The following ABCA13 variants were observed in gnomAD, a reference collection of about 807,000 sequenced individuals.
ABCA13 encodes the protein ATP-binding cassette sub-family A member 13.
Under a neutral mutation model 478.7 loss-of-function variants are expected in ABCA13, and 476 were observed. The ratio of observed to expected loss-of-function variants is 0.99; its 90% CI spans 0.92 to 1.07. The LOEUF is 1.07. ABCA13 is among the 50% of genes least tolerant of loss of function. The pLI is 0.00. For synonymous variants in ABCA13, 2,252 were observed against 2,158.9 expected (o/e 1.04, Z -1.20); for missense variants, 6,060 against 5,910.6 (o/e 1.03, Z -0.83).
intron 39 of ABCA13, among the ~76,000 whole-genome samples, chr7:48,408,008 T>C (rs62447262): frequency 0.19 from 29,589 of 152,106 alleles, 3,260 homozygotes; most frequent in East Asian, 0.23. Context: ...GACAAATGTA[T>C]GTATACATTG....
At chr7:48,224,858 T>C (rs1431923513) in intron 5 of ABCA13, among the ~76,000 whole-genome samples, 1 of 152,176 alleles carries the variant, frequency 6.6e-6, no homozygotes, top group Non-Finnish European at 1.5e-5. Context: ...GCTGCAGCAT[T>C]CTTTCCACCT....
intron 13 of ABCA13, among the ~76,000 whole-genome samples, chr7:48,247,359 C>A (rs1321465742): frequency 6.6e-6 from 1 of 152,036 alleles, no homozygotes; most frequent in East Asian, 1.9e-4. Flanking sequence ...TGGCAGAAAT[C>A]CTATCTCAAA....
intron 1 of ABCA13, among the ~76,000 whole-genome samples, chr7:48,190,268 G>T: frequency 6.6e-6 from 1 of 152,076 alleles, no homozygotes; most frequent in East Asian, 1.9e-4. Flanking sequence ...AGCCAAATAT[G>T]TAAAAAAAAC....
At chr7:48,345,772 A>G (rs1018835296) in intron 29 of ABCA13, among the ~76,000 whole-genome samples, 3 of 152,208 alleles carry the variant, frequency 2.0e-5, no homozygotes, top group African/African-American at 7.2e-5. Context: ...CAGTGTTTAT[A>G]AAGTGTATAA....
chr7:48,425,241 C>T (rs1821249391), intron 41 of ABCA13, among the ~76,000 whole-genome samples: 1 of 152,134 alleles, frequency 6.6e-6, no homozygotes, highest in Non-Finnish European at 1.5e-5. Flanking sequence ...ACACCCTCCT[C>T]CCCGCCACAT....
At chr7:48,264,681 T>C in intron 15 of ABCA13, among the ~76,000 whole-genome samples, 1 of 151,798 alleles carries the variant, frequency 6.6e-6, no homozygotes, top group East Asian at 1.9e-4. Context: ...ACAAACTCTT[T>C]ATCAGACATA....
chr7:48,324,798 C>T (rs753711525), intron 27 of ABCA13, among the ~76,000 whole-genome samples: 10 of 152,162 alleles, frequency 6.6e-5, no homozygotes, highest in Admixed American at 1.3e-4. Context: ...TCCTTGGGAA[C>T]GTTCCAGAGC....
At chr7:48,251,886 A>C (rs1214755670) in intron 15 of ABCA13, among the ~76,000 whole-genome samples, 3 of 152,168 alleles carry the variant, frequency 2.0e-5, no homozygotes, top group East Asian at 3.9e-4. Flanking sequence ...AAGAGAAGTC[A>C]GTTGGTAATC....
intron 35 of ABCA13, among the ~76,000 whole-genome samples, chr7:48,378,785 G>A (rs1423697412): frequency 5.3e-5 from 8 of 152,210 alleles, no homozygotes; most frequent in Non-Finnish European, 8.8e-5. Context: ...AGTTCACACG[G>A]ATGTACCTTT....
chr7:48,635,643 A>G (rs1362061935), intron 59 of ABCA13, among the ~76,000 whole-genome samples: 1 of 152,206 alleles, frequency 6.6e-6, no homozygotes, highest in Non-Finnish European at 1.5e-5. Context: ...CCTCATGAAC[A>G]TGTAGCTGGG....
chr7:48,358,012 C>T lies in ABCA13; in HGVS notation c.10688+5525C>T, dbSNP rs985608221. Among the ~76,000 whole-genome samples the T allele has an allele frequency of 2.0e-5, 3 of 150,882 alleles. 1 individual carries two copies. Among genetic ancestry groups the T allele is most frequent in the African/African-American group, 7.4e-5 (3 of 40,720 alleles). On this transcript the variant is annotated intron_variant, in intron 31 of 61. Coordinates refer to ENST00000435803, the MANE Select transcript of ABCA13 (RefSeq NM_152701.5). ...CAAAAATTAGCTGGGCATGGTGGCA[C>T]GCGTCTGTAATCCCAGCTACTCGGG...
intron 31 of ABCA13, among the ~76,000 whole-genome samples, chr7:48,366,357 C>T (rs1222478898): frequency 6.6e-6 from 1 of 151,954 alleles, no homozygotes; most frequent in Admixed American, 6.6e-5. Flanking sequence ...AGCTAATCAC[C>T]CTGTCTGAAA....
chr7:48,405,476 G>A (rs1818142896), intron 39 of ABCA13, among the ~76,000 whole-genome samples: 1 of 152,192 alleles, frequency 6.6e-6, no homozygotes, highest in African/African-American at 2.4e-5. Flanking sequence ...GGGCAGACAT[G>A]GGATACTGAC....
chr7:48,278,803 T>G lies in ABCA13; in HGVS notation c.7609T>G (p.Ser2537Ala), dbSNP rs17132208. 9.2e-3 allele frequency: 14,781 copies of G among 1,613,886 alleles called. 127 individuals are homozygous for G. The highest frequency in any genetic ancestry group is 0.056 in the Middle Eastern group (342 of 6,062). ...KLVKKVSGKM[S>A]TVFKTHFISN... ...GGTCAAGAAAGTTTCGGGGAAGATG[T>G]CCACAGTTTTTAAAACTCATTTTAT... is the stretch of plus-strand genomic sequence containing the variant. The change falls in exon 18 of 62, where the codon TCC (serine) becomes GCC (alanine). Residue 2537 changes from serine to alanine, a missense_variant. Physicochemically the swap from Ser to Ala is moderately conservative, Grantham distance 99 (BLOSUM62 1). Transcript: ENST00000435803.
chr7:48,455,724 C>T (rs547492039), intron 43 of ABCA13, among the ~76,000 whole-genome samples: 1 of 152,364 alleles, frequency 6.6e-6, no homozygotes, highest in East Asian at 1.9e-4. Context: ...CACAGTTGCA[C>T]ACACCTCTCT....
At chr7:48,194,527 A>G (rs1434106582) in intron 2 of ABCA13, among the ~76,000 whole-genome samples, 1 of 152,070 alleles carries the variant, frequency 6.6e-6, no homozygotes, top group Non-Finnish European at 1.5e-5. Flanking sequence ...GGTCAGATGG[A>G]CCATTTTGTT....
intron 61 of ABCA13, among the ~76,000 whole-genome samples, chr7:48,645,057 C>CG (rs1203552351): frequency 1.3e-5 from 2 of 151,992 alleles, no homozygotes; most frequent in Admixed American, 6.6e-5. Context: ...CAAGACTTTT[C>CG]GGGGGGGCTT....
chr7:48,525,273 C>T (rs572594844), intron 54 of ABCA13, among the ~76,000 whole-genome samples: 27 of 152,072 alleles, frequency 1.8e-4, no homozygotes, highest in South Asian at 1.2e-3. Context: ...TAGTTGTTAG[C>T]TTCTGCTCTA....
chr7:48,423,073 A>G (rs1277043354), intron 41 of ABCA13, among the ~76,000 whole-genome samples: 1 of 152,240 alleles, frequency 6.6e-6, no homozygotes, highest in Admixed American at 6.5e-5. Flanking sequence ...AATTTGTTAC[A>G]GCAGTGATAG....
Sources: gnomAD v4.1 joint callset for allele counts (sites outside exome capture counted in the v4.1 genomes callset) on GRCh38, gnomAD v4.1.1 for gene constraint, MANE v1.5 for transcripts, NCBI Gene and HGNC (gene_info 2026-07-23, HGNC 2026-07-21) for gene names.